ADAM9: variants seen among roughly 807,000 people sequenced by gnomAD.
ADAM9 encodes the protein ADAM metallopeptidase domain 9, also known as disintegrin and metalloproteinase domain-containing protein 9.
A neutral mutation model predicts 108.1 loss-of-function variants in ADAM9; 54 were observed. That is an observed-to-expected ratio of 0.50 (90% CI 0.40 to 0.63). The LOEUF (loss-of-function observed/expected upper bound fraction) is 0.63. ADAM9 is among the 20% of genes least tolerant of loss of function. ADAM9 has a pLI of 0.00. For synonymous variants in ADAM9, 316 were observed against 336.0 expected (o/e 0.94, Z 0.65); for missense variants, 830 against 997.7 (o/e 0.83, Z 2.26).
chr8:39,023,777 C>G, intron 9 of ADAM9, among the ~76,000 whole-genome samples: 1 of 120,480 alleles, frequency 8.3e-6, no homozygotes, highest in African/African-American at 3.2e-5. Context: ...GACAGAGTCT[C>G]ACTCTGTTGC....
intron 11 of ADAM9, among the ~76,000 whole-genome samples, chr8:39,033,926 G>A (rs1432159061): frequency 6.6e-6 from 1 of 152,082 alleles, no homozygotes; most frequent in Non-Finnish European, 1.5e-5. Context: ...TTTACACATT[G>A]TATGAATGGA....
At chr8:39,014,545 C>G in intron 4 of ADAM9, 1 of 702,514 alleles carries the variant, frequency 1.4e-6, no homozygotes, top group Non-Finnish European at 2.6e-6. Context: ...ACAGAGCTGG[C>G]CAGAATACCC....
At chr8:39,064,995 G>A (rs919192129) in intron 14 of ADAM9, among the ~76,000 whole-genome samples, 1 of 152,026 alleles carries the variant, frequency 6.6e-6, no homozygotes, top group Non-Finnish European at 1.5e-5. Context: ...CCTTGATGTG[G>A]GTTTGTTTTT....
At chr8:39,022,452 G>A (rs567046955) in intron 8 of ADAM9, among the ~76,000 whole-genome samples, 3 of 152,134 alleles carry the variant, frequency 2.0e-5, no homozygotes, top group South Asian at 2.1e-4. Flanking sequence ...TAACACCTTC[G>A]ACAGGATCTT....
intron 20 of ADAM9, among the ~76,000 whole-genome samples, chr8:39,094,654 G>A (rs1393917737): frequency 6.6e-6 from 1 of 151,998 alleles, no homozygotes; most frequent in Non-Finnish European, 1.5e-5. Flanking sequence ...AGTCTGGATA[G>A]GTTGTATGTT....
At chr8:39,025,444 G>A (rs779613679) in intron 9 of ADAM9, among the ~76,000 whole-genome samples, 5 of 152,144 alleles carry the variant, frequency 3.3e-5, no homozygotes, top group East Asian at 1.9e-4. Context: ...GCAGCTGCCC[G>A]TGTAAACATA....
intron 14 of ADAM9, among the ~76,000 whole-genome samples, chr8:39,058,380 T>C (rs1464592163): frequency 1.3e-5 from 2 of 152,222 alleles, no homozygotes; most frequent in Non-Finnish European, 2.9e-5. Context: ...CGTTAGCTGT[T>C]TGTGGTTCTT....
intron 1 of ADAM9, among the ~76,000 whole-genome samples, chr8:39,005,316 C>T (rs1836126403): frequency 6.6e-6 from 1 of 152,010 alleles, no homozygotes; most frequent in Non-Finnish European, 1.5e-5. Context: ...AAGGTGATAT[C>T]TAGAAGATTA....
chr8:39,041,813 A>G, intron 11 of ADAM9, 133 bp from the exon 12 acceptor site: 2 of 766,284 alleles, frequency 2.6e-6, no homozygotes. Flanking sequence ...ATGAATTCTC[A>G]TTTCTGTCCA....
At chr8:39,009,932 G>GAGAGAC in intron 2 of ADAM9, among the ~76,000 whole-genome samples, 1 of 14,662 alleles carries the variant, frequency 6.8e-5, no homozygotes, top group South Asian at 2.2e-3. Flanking sequence ...GAGAGAGAGA[G>GAGAGAC]ACAAAAACAA....
Position 39,104,860 on chromosome 8 carries a change from ATTT to A in ADAM9, c.*1164_*1166del. ...GATCGTAAAATTTTAAGCACTAAAA[ATTT>A]TTTCATAACCTTTCATAATAAAGTT... On this transcript the variant is annotated 3_prime_UTR_variant, in exon 22 of 22. Coordinates refer to ENST00000487273, the MANE Select transcript of ADAM9 (RefSeq NM_003816.3). 6.7e-6 allele frequency: 3 copies of A among 446,496 alleles called. No homozygotes were observed. The highest frequency in any genetic ancestry group is 1.3e-5 in the Non-Finnish European group (3 of 224,856). 27.7% of individuals were successfully genotyped at this position (446,496 alleles called of 1,614,324 possible).
intron 18 of ADAM9, among the ~76,000 whole-genome samples, chr8:39,089,565 T>A (rs1214276526): frequency 6.6e-6 from 1 of 152,246 alleles, no homozygotes; most frequent in Non-Finnish European, 1.5e-5. Flanking sequence ...GCAAGGTTAT[T>A]CATTATAGCA....
At chr8:39,036,542 G>GA (rs1489313598) in intron 11 of ADAM9, among the ~76,000 whole-genome samples, 2 of 152,046 alleles carry the variant, frequency 1.3e-5, no homozygotes, top group South Asian at 2.1e-4. Context: ...GCCATTTTGG[G>GA]AAAATCACCT....
chr8:39,030,858 A>G (rs922536187), intron 11 of ADAM9, among the ~76,000 whole-genome samples: 3 of 152,158 alleles, frequency 2.0e-5, no homozygotes, highest in Admixed American at 2.0e-4. Flanking sequence ...GATGTAGATG[A>G]TCTTTTTCCT....
intron 11 of ADAM9, among the ~76,000 whole-genome samples, chr8:39,038,741 C>T (rs183268584): frequency 9.3e-4 from 142 of 152,192 alleles, no homozygotes; most frequent in Non-Finnish European, 1.8e-3. Flanking sequence ...CAAAAGGACT[C>T]CTCCCCACAA....
intron 2 of ADAM9, among the ~76,000 whole-genome samples, chr8:39,009,835 A>G (rs376742378): frequency 1.3e-5 from 2 of 149,448 alleles, no homozygotes; most frequent in South Asian, 2.1e-4. Flanking sequence ...CAAAACAGAC[A>G]AAAATTTATG....
In ADAM9 at chr8:39,055,784, T is replaced by C; in HGVS notation, c.1591+12T>C. 1 of 1,607,596 alleles carries C rather than the reference T, an allele frequency of 6.2e-7. No homozygotes were observed. The highest frequency in any genetic ancestry group is 8.5e-7 in the Non-Finnish European group (1 of 1,175,030). Reference sequence around the variant, plus strand: ...CATCTTTGGCTCAAGTAAGATATCATCATTTATAATTGATTGCTTCGATAT... The same window carrying C: ...CATCTTTGGCTCAAGTAAGATATCACCATTTATAATTGATTGCTTCGATAT... On this transcript the variant is annotated intron_variant, in intron 14 of 21. Coordinates refer to ENST00000487273, the MANE Select transcript of ADAM9 (RefSeq NM_003816.3).
At chr8:39,102,619 T>C (rs1408874779) in intron 21 of ADAM9, among the ~76,000 whole-genome samples, 2 of 151,932 alleles carry the variant, frequency 1.3e-5, no homozygotes, top group Non-Finnish European at 2.9e-5. Context: ...AAGCCAAGTG[T>C]AAAAGAAAAG....
chr8:39,011,768 A>G (rs778552330), intron 3 of ADAM9, 52 bp downstream of exon 3: 1 of 1,510,530 alleles, frequency 6.6e-7, no homozygotes. Context: ...CCAATAGTAT[A>G]TTGGTTTTCT....
Sources: gnomAD v4.1 joint callset for allele counts (sites outside exome capture counted in the v4.1 genomes callset) on GRCh38, gnomAD v4.1.1 for gene constraint, MANE v1.5 for transcripts, NCBI Gene and HGNC (gene_info 2026-07-23, HGNC 2026-07-21) for gene names.